Variants in LRRC4C observed in about 807,000 individuals in gnomAD.
LRRC4C encodes leucine rich repeat containing 4C.
LRRC4C carries 5 observed loss-of-function variants against 33.6 expected under a neutral mutation model. The ratio of observed to expected loss-of-function variants is 0.15; its 90% CI spans 0.08 to 0.31. The LOEUF (loss-of-function observed/expected upper bound fraction) is 0.31. Among genes scored for constraint, LRRC4C ranks in the 10% least tolerant of loss-of-function variants. The pLI is 1.00. For missense variants in LRRC4C, 560 were observed against 796.7 expected, an observed-to-expected ratio of 0.70 and a Z score of 3.58; for synonymous variants, 329 against 302.0, an observed-to-expected ratio of 1.09 and a Z score of -0.93.
intron 1 of LRRC4C, among the ~76,000 whole-genome samples, chr11:41,014,916 G>A (rs567468803): frequency 5.3e-5 from 8 of 152,080 alleles, no homozygotes; most frequent in Non-Finnish European, 1.2e-4. Flanking sequence ...ACAAGGGCAG[G>A]GCCAACATTC....
At chr11:41,323,690 T>A (rs1401039825) in intron 1 of LRRC4C, among the ~76,000 whole-genome samples, 1 of 152,296 alleles carries the variant, frequency 6.6e-6, no homozygotes, top group Middle Eastern at 3.4e-3. Flanking sequence ...CCACTCACAT[T>A]GGCAGGACTG....
At chr11:41,211,026 C>T (rs1946799692) in intron 1 of LRRC4C, among the ~76,000 whole-genome samples, 1 of 152,146 alleles carries the variant, frequency 6.6e-6, no homozygotes, top group South Asian at 2.1e-4. Context: ...GGAGGCAGAG[C>T]TCTGGCAGCA....
chr11:40,760,616 A>G (rs912230964), intron 2 of LRRC4C, among the ~76,000 whole-genome samples: 2 of 150,762 alleles, frequency 1.3e-5, no homozygotes, highest in Admixed American at 6.7e-5. Context: ...TTCCTTTTTT[A>G]TTTTTATTTT....
At chr11:40,385,404 A>G (rs1370582341) in intron 3 of LRRC4C, among the ~76,000 whole-genome samples, 1 of 152,212 alleles carries the variant, frequency 6.6e-6, no homozygotes, top group Non-Finnish European at 1.5e-5. Flanking sequence ...GTGATCCTAA[A>G]CATATGTCAA....
At chr11:41,239,044 G>T (rs1353825928) in intron 1 of LRRC4C, among the ~76,000 whole-genome samples, 2 of 150,888 alleles carry the variant, frequency 1.3e-5, no homozygotes, top group Admixed American at 6.6e-5. Context: ...GGCCGGGCAC[G>T]GTGTCTCACG....
chr11:40,269,143 C>G (rs1241560112), intron 4 of LRRC4C, among the ~76,000 whole-genome samples: 1 of 152,086 alleles, frequency 6.6e-6, no homozygotes. Flanking sequence ...CAGTCTCAAC[C>G]CAGCTGTACT....
chr11:40,434,561 TC>T (rs1951068678), intron 3 of LRRC4C, among the ~76,000 whole-genome samples: 1 of 152,162 alleles, frequency 6.6e-6, no homozygotes. Context: ...TCCGTGGGGA[TC>T]TTTGGAGCAA....
chr11:40,617,791 C>A (rs1962011477), intron 3 of LRRC4C, among the ~76,000 whole-genome samples: 1 of 151,674 alleles, frequency 6.6e-6, no homozygotes, highest in South Asian at 2.1e-4. Flanking sequence ...GTGTCAACAT[C>A]TTAACCATTT....
chr11:40,349,800 G>T (rs922392612), intron 3 of LRRC4C, among the ~76,000 whole-genome samples: 2 of 151,994 alleles, frequency 1.3e-5, no homozygotes, highest in Non-Finnish European at 2.9e-5. Flanking sequence ...TTGTAATTTC[G>T]ATTTGCATTT....
chr11:41,017,162 C>G (rs1472870335), intron 1 of LRRC4C, among the ~76,000 whole-genome samples: 3 of 152,118 alleles, frequency 2.0e-5, no homozygotes, highest in Non-Finnish European at 4.4e-5. Flanking sequence ...AGTTCTTATT[C>G]CATTATTCAC....
intron 2 of LRRC4C, among the ~76,000 whole-genome samples, chr11:40,687,803 A>T (rs1945032902): frequency 6.6e-6 from 1 of 152,130 alleles, no homozygotes. Context: ...CTTGAAAATA[A>T]GCTTCATATT....
intron 3 of LRRC4C, among the ~76,000 whole-genome samples, 192 bp from the exon 4 acceptor site, chr11:40,319,913 G>A (rs1055070388): frequency 6.6e-6 from 1 of 151,752 alleles, no homozygotes; most frequent in Non-Finnish European, 1.5e-5. Flanking sequence ...TAGCAAATAT[G>A]TATATGTATA....
At chr11:40,144,311 A>G (rs763613156) in intron 5 of LRRC4C, among the ~76,000 whole-genome samples, 40 of 152,182 alleles carry the variant, frequency 2.6e-4, no homozygotes, top group Non-Finnish European at 1.6e-4. Context: ...AATGCTGAAC[A>G]TAACTATCCA....
At chr11:40,503,236 C>T (rs1163497773) in intron 3 of LRRC4C, among the ~76,000 whole-genome samples, 1 of 152,098 alleles carries the variant, frequency 6.6e-6, no homozygotes, top group South Asian at 2.1e-4. Context: ...TCCTACAGAC[C>T]CCAGGACAGA....
At chr11:41,108,918 G>T (rs986095421) in intron 1 of LRRC4C, among the ~76,000 whole-genome samples, 9 of 152,076 alleles carry the variant, frequency 5.9e-5, no homozygotes, top group African/African-American at 2.2e-4. Flanking sequence ...AGGCAAAATA[G>T]CACATCCACG....
At chr11:40,445,186 C>A (rs1375543029) in intron 3 of LRRC4C, 1 of 152,178 alleles carries the variant, frequency 6.6e-6, no homozygotes, top group South Asian at 2.1e-4. Flanking sequence ...AAATAGCAGA[C>A]TGAGAAATGC....
intron 1 of LRRC4C, among the ~76,000 whole-genome samples, chr11:40,974,883 C>T (rs1851975307): frequency 6.6e-6 from 1 of 152,176 alleles, no homozygotes; most frequent in South Asian, 2.1e-4. Flanking sequence ...GGCTTTCTGT[C>T]CTTGGAACTC....
chr11:41,441,265 G>A (rs183399720), intron 1 of LRRC4C, among the ~76,000 whole-genome samples: 21 of 152,230 alleles, frequency 1.4e-4, no homozygotes, highest in African/African-American at 4.1e-4. Context: ...CCCTCCTAGC[G>A]TTTATTTTTT....
intron 1 of LRRC4C, among the ~76,000 whole-genome samples, chr11:41,118,626 G>A (rs1942263343): frequency 6.6e-6 from 1 of 152,066 alleles, no homozygotes; most frequent in African/African-American, 2.4e-5. Context: ...ACCAGTCATT[G>A]AGTAGCTTCT....
Sources: allele counts gnomAD v4.1 joint callset (sites outside exome capture counted in the v4.1 genomes callset), GRCh38; gene constraint gnomAD v4.1.1; transcripts MANE v1.5; gene names NCBI Gene and HGNC (gene_info 2026-07-23, HGNC 2026-07-21).